The following NUP35 variants were observed in gnomAD, a reference collection of about 807,000 sequenced individuals.
NUP35 encodes nucleoporin NUP35.
NUP35 carries 25 observed loss-of-function variants against 41.5 expected under a neutral mutation model. The observed-to-expected ratio is 0.60, with a 90% CI of 0.44 to 0.84. NUP35 has a LOEUF of 0.84. Ranked by LOEUF, NUP35 falls within the 40% of genes least tolerant of loss-of-function variation. The pLI is 0.00. For missense variants in NUP35, 396 were observed against 396.6 expected (o/e 1.00, Z 0.01); for synonymous variants, 149 against 130.7 (o/e 1.14, Z -0.96).
At chr2:183,118,535 CTTTG>C (rs539456007) in intron 1 of NUP35, 3 of 152,098 alleles carry the variant, frequency 2.0e-5, no homozygotes, top group Admixed American at 6.6e-5. Context: ...GATAATTATC[CTTTG>C]TTTAATGTTT....
upstream of NUP35, among the ~76,000 whole-genome samples, chr2:183,121,851 T>A (rs1481283396): frequency 1.3e-5 from 2 of 150,952 alleles, no homozygotes; most frequent in Non-Finnish European, 3.0e-5. Context: ...AATAAATAAA[T>A]AAAATAGCAA....
chr2:183,118,400 C>CA (rs1273275926), intron 1 of NUP35: 1 of 151,828 alleles, frequency 6.6e-6, no homozygotes, highest in Non-Finnish European at 1.5e-5. Context: ...TCATTTTACA[C>CA]AAAAAAGGGT....
intron 6 of NUP35, among the ~76,000 whole-genome samples, chr2:183,158,021 G>A (rs959844936): frequency 7.1e-6 from 1 of 141,640 alleles, no homozygotes; most frequent in Non-Finnish European, 1.5e-5. Flanking sequence ...TTTATGGCAA[G>A]TGTTGCTTTG....
chr2:183,159,402 TTTAA>T, intron 7 of NUP35, 82 bp from the exon 8 acceptor site: 1 of 1,018,862 alleles, frequency 9.8e-7, no homozygotes, highest in Non-Finnish European at 1.4e-6. Context: ...ATCTTTATCT[TTTAA>T]TTAAATTTTC....
At chr2:183,126,383 C>T (rs893105537) in intron 1 of NUP35, among the ~76,000 whole-genome samples, 1 of 152,042 alleles carries the variant, frequency 6.6e-6, no homozygotes, top group Admixed American at 6.6e-5. Context: ...CTTTATTTTG[C>T]TATAATTTTT....
At chr2:183,133,883 A>G (rs1403027908) in intron 4 of NUP35, among the ~76,000 whole-genome samples, 1 of 152,186 alleles carries the variant, frequency 6.6e-6, no homozygotes. Flanking sequence ...TTTCTGAATC[A>G]AATCACCCTA....
At position 183,130,560 on chromosome 2, in the gene NUP35, C is replaced by G; in HGVS notation, c.339+15C>G. 1 of 1,609,490 alleles carries G rather than the reference C, an allele frequency of 6.2e-7. No individual in the cohort carries two copies. The highest frequency in any genetic ancestry group is 8.5e-7 in the Non-Finnish European group (1 of 1,178,060). ...CAAGAAGACAGGTAATATAAATACC[C>G]TTTTGATCCCCAATGAACAACATCA... On this transcript the variant is annotated intron_variant, in intron 3 of 8. Transcript: ENST00000295119.
intron 3 of NUP35, among the ~76,000 whole-genome samples, chr2:183,132,860 T>C (rs1352372120): frequency 6.6e-6 from 1 of 152,218 alleles, no homozygotes; most frequent in Non-Finnish European, 1.5e-5. Flanking sequence ...ATAAATTTTA[T>C]ATCTCTCCCA....
rs377722857 is a variant in NUP35 at position 183,133,597 on chromosome 2, T to C, written c.371T>C (p.Val124Ala). The C allele has an allele frequency of 6.9e-6, 11 of 1,601,092 alleles. No individual in the cohort carries two copies. In the East Asian group the frequency reaches 1.8e-4, roughly 26 times the overall value. ...PNISVMQSPLVGVTSTPGTGQ... is the reference protein window; with the variant it reads ...PNISVMQSPLAGVTSTPGTGQ... ...ATTTCAGTAATGCAGAGTCCTCTTG[T>C]TGGAGTTACATCTACTCCTGGAACA... Residue 124 changes from valine to alanine, a missense_variant, in exon 4 of 9, where the codon GTT becomes GCT. By Grantham distance (64) the Val-to-Ala change is moderately conservative (BLOSUM62 0). Coordinates refer to ENST00000295119, the MANE Select transcript of NUP35 (RefSeq NM_138285.5).
intron 7 of NUP35, 108 bp downstream of exon 7, chr2:183,158,519 T>C: frequency 4.0e-6 from 4 of 1,001,524 alleles, no homozygotes; most frequent in East Asian, 5.4e-5. Flanking sequence ...TCTGTTTTTC[T>C]TAGTTTGTAA....
intron 4 of NUP35, among the ~76,000 whole-genome samples, chr2:183,143,806 A>G (rs952993590): frequency 1.3e-5 from 2 of 152,144 alleles, no homozygotes; most frequent in African/African-American, 4.8e-5. Context: ...GTCTGTCAGT[A>G]GGGGTTTGCA....
At chr2:183,124,394 G>C (rs1401724411), upstream of NUP35, 4 of 1,613,858 alleles carry the variant, frequency 2.5e-6, no homozygotes, top group East Asian at 6.7e-5. Flanking sequence ...CCCGTGGGGA[G>C]CGTTTCCGCC....
chr2:183,130,165 G>T (rs1559142960), intron 2 of NUP35, among the ~76,000 whole-genome samples: 1 of 152,128 alleles, frequency 6.6e-6, no homozygotes, highest in African/African-American at 2.4e-5. Context: ...CTTTTATTCA[G>T]AGTGCAGTCT....
intron 1 of NUP35, chr2:183,118,904 C>T (rs554726266): frequency 6.6e-6 from 1 of 152,344 alleles, no homozygotes; most frequent in Non-Finnish European, 1.5e-5. Context: ...CCCTTGATTC[C>T]TCCCTTGGAG....
At chr2:183,123,348 TATTC>T (rs776499465), upstream of NUP35, among the ~76,000 whole-genome samples, 23 of 152,352 alleles carry the variant, frequency 1.5e-4, no homozygotes, top group Non-Finnish European at 2.9e-4. Context: ...AATAAGGTCA[TATTC>T]ATAAGTATGA....
At chr2:183,118,586 G>A (rs1444599505) in intron 1 of NUP35, 1 of 152,086 alleles carries the variant, frequency 6.6e-6, no homozygotes, top group African/African-American at 2.4e-5. Context: ...TCATTTTGTT[G>A]TCAGTGGTGG....
rs1553528899 is a variant in NUP35, at chr2:183,130,384, T to TC, written c.212-31dup. 2.8e-6 allele frequency: 4 copies of TC among 1,417,216 alleles called. No homozygotes were observed. The African/African-American group carries it at 5.1e-5, about 18-fold the overall frequency. 87.8% of individuals were successfully genotyped at this position (1,417,216 alleles called of 1,614,324 possible). A position where few individuals can be genotyped will look rare whatever the true frequency, so the allele number is the denominator to read the frequency against. On this transcript the variant is annotated intron_variant, in intron 2 of 8. Coordinates refer to ENST00000295119, the MANE Select transcript of NUP35 (RefSeq NM_138285.5). ...TAAAAAATCTTACCAAAAAGAAGAA[T>TC]CCCTTTTTTTTTTTTTTTTTTTGTA...
intron 4 of NUP35, among the ~76,000 whole-genome samples, chr2:183,142,416 C>T (rs1685126074): frequency 6.8e-6 from 1 of 147,966 alleles, no homozygotes; most frequent in Non-Finnish European, 1.5e-5. Flanking sequence ...TATCTGTATG[C>T]TACTTTCTGA....
At chr2:183,141,299 C>T (rs2675099) in intron 4 of NUP35, among the ~76,000 whole-genome samples, 29,022 of 152,096 alleles carry the variant, frequency 0.19, 3,684 homozygotes, top group African/African-American at 0.34. Flanking sequence ...TGGATAATCT[C>T]CCCATCTGAG....
Sources: allele counts gnomAD v4.1 joint callset (sites outside exome capture counted in the v4.1 genomes callset), GRCh38; gene constraint gnomAD v4.1.1; transcripts MANE v1.5; gene names NCBI Gene and HGNC (gene_info 2026-07-23, HGNC 2026-07-21).